Variants in HORMAD2 observed in about 807,000 individuals in gnomAD.
HORMAD2 encodes HORMA domain-containing protein 2.
In HORMAD2, 45 loss-of-function variants were observed where a neutral mutation model predicts 38.8. That is an observed-to-expected ratio of 1.16 (90% CI 0.91 to 1.49). HORMAD2 has a LOEUF of 1.49. Ranked by LOEUF, HORMAD2 falls within the 40% of genes most tolerant of loss-of-function variation. The probability of loss-of-function intolerance (pLI) is 0.00; values close to 1 mark genes in which losing one functional copy is unlikely to be tolerated. For synonymous variants in HORMAD2, 126 were observed against 122.8 expected (o/e 1.03, Z -0.17); for missense variants, 338 against 367.0 (o/e 0.92, Z 0.65).
In HORMAD2 at chr22:30,116,634, C is replaced by G. The variant is rs531748738; in HGVS notation, c.343-2346C>G. Among the ~76,000 whole-genome samples, 42 of 152,170 alleles carry G rather than the reference C, an allele frequency of 2.8e-4. 2 individuals are homozygous for G. In the South Asian group the frequency reaches 8.3e-3, roughly 30 times the overall value. ...GTTATATGAGGTGTTAAGAATAGTG[C>G]CTGCTGTAAATATACTTTCCTAGAT... On this transcript the variant is annotated intron_variant, in intron 7 of 10. Transcript: ENST00000336726.
At chr22:30,152,936 C>T (rs943150503) in intron 10 of HORMAD2, among the ~76,000 whole-genome samples, 5 of 152,134 alleles carry the variant, frequency 3.3e-5, no homozygotes, top group Non-Finnish European at 7.4e-5. Context: ...TCCCCAAGAG[C>T]TCCAGTTCTA....
At chr22:30,120,666 G>A (rs1569096867) in intron 8 of HORMAD2, among the ~76,000 whole-genome samples, 2 of 152,110 alleles carry the variant, frequency 1.3e-5, no homozygotes, top group Non-Finnish European at 2.9e-5. Context: ...GAATAGCTGG[G>A]CACCAAACTC....
chr22:30,115,782 G>C (rs1256924927), intron 7 of HORMAD2, among the ~76,000 whole-genome samples: 1 of 152,198 alleles, frequency 6.6e-6, no homozygotes. Context: ...GTACTAGAGA[G>C]TGCTGAAGTG....
chr22:30,092,765 T>C (rs2068714420), intron 1 of HORMAD2, among the ~76,000 whole-genome samples: 1 of 152,212 alleles, frequency 6.6e-6, no homozygotes. Flanking sequence ...CAATGTATGT[T>C]CTTGGTGACT....
chr22:30,129,946 G>A (rs1223071880), intron 10 of HORMAD2, among the ~76,000 whole-genome samples: 1 of 152,094 alleles, frequency 6.6e-6, no homozygotes, highest in Non-Finnish European at 1.5e-5. Context: ...AATACTGAAT[G>A]TTCCACGCCT....
In HORMAD2 at chr22:30,164,928, G is replaced by A. The variant is rs536040827; in HGVS notation, c.820-11135G>A. On this transcript the variant is annotated intron_variant, in intron 10 of 10. Coordinates refer to ENST00000336726, the MANE Select transcript of HORMAD2 (RefSeq NM_152510.4). ...TGCCTTCTTGATAATAGCATCCTTT[G>A]ATGCACAAAAGTTTTAAATTTTGAA... Among the ~76,000 whole-genome samples, 17 of 152,158 alleles carry A rather than the reference G, an allele frequency of 1.1e-4. 3 individuals are homozygous for A. Among genetic ancestry groups the A allele is most frequent in the Admixed American group, 1.1e-3 (17 of 15,270 alleles).
intron 10 of HORMAD2, among the ~76,000 whole-genome samples, chr22:30,127,328 C>T (rs112848515): frequency 0.062 from 9,320 of 151,314 alleles, 376 homozygotes; most frequent in Middle Eastern, 0.1. Context: ...CCTGCCTCAG[C>T]CTCCTGAGTA....
At chr22:30,198,289 C>T in the HORMAD2 span, among the ~76,000 whole-genome samples, 7 of 152,180 alleles carry the variant, frequency 4.6e-5, no homozygotes, top group East Asian at 1.9e-4. Flanking sequence ...TATGTGTATA[C>T]GCATGTAAGT....
chr22:30,158,603 C>CTCCCTCCG (rs1569115350), intron 10 of HORMAD2, among the ~76,000 whole-genome samples: 3 of 39,850 alleles, frequency 7.5e-5, no homozygotes, highest in African/African-American at 3.2e-4. Context: ...CCTTCCCTCC[C>CTCCCTCCG]TCCCTCCGTC....
At chr22:30,151,060 T>A (rs1924717859) in intron 10 of HORMAD2, among the ~76,000 whole-genome samples, 1 of 152,204 alleles carries the variant, frequency 6.6e-6, no homozygotes, top group Non-Finnish European at 1.5e-5. Flanking sequence ...TCCAAAAGTA[T>A]CTGATGCTGG....
At chr22:30,111,766 A>G in intron 5 of HORMAD2, 30 bp from the exon 6 acceptor site, 3 of 1,496,098 alleles carry the variant, frequency 2.0e-6, no homozygotes, top group Non-Finnish European at 2.7e-6. Flanking sequence ...AGTATGTAAT[A>G]ATAATAGTTT....
At chr22:30,090,715 T>C (rs898827009) in intron 1 of HORMAD2, among the ~76,000 whole-genome samples, 55 of 152,254 alleles carry the variant, frequency 3.6e-4, no homozygotes, top group Admixed American at 3.6e-3. Flanking sequence ...TTTTCCATTT[T>C]TGAATAATCA....
At chr22:30,126,285 C>T (rs1481737695) in intron 10 of HORMAD2, among the ~76,000 whole-genome samples, 1 of 152,086 alleles carries the variant, frequency 6.6e-6, no homozygotes, top group Non-Finnish European at 1.5e-5. Flanking sequence ...TCTCCTGTCT[C>T]AGCCTCTCAA....
At chr22:30,120,425 A>G (rs1384933599) in intron 8 of HORMAD2, among the ~76,000 whole-genome samples, 2 of 152,236 alleles carry the variant, frequency 1.3e-5, no homozygotes, top group Non-Finnish European at 2.9e-5. Flanking sequence ...TCCAAAGATC[A>G]GTTAGGGAAA....
chr22:30,127,196 GTTCTTTTTTTTTTTTTTTT>G (rs1277400005), intron 10 of HORMAD2, among the ~76,000 whole-genome samples: 7 of 99,414 alleles, frequency 7.0e-5, no homozygotes, highest in African/African-American at 2.8e-4. Flanking sequence ...ATAAACAGAA[GTTCTTTTTTTTTTTTTTTT>G]TTTTTTTTTT....
chr22:30,112,640 T>G (rs898548845), intron 7 of HORMAD2, 118 bp downstream of exon 7: 27 of 449,864 alleles, frequency 6.0e-5, no homozygotes, highest in Admixed American at 2.6e-4. Context: ...GAGGAACTAA[T>G]AGTGGGCTCT....
chr22:30,103,462 A>G lies in HORMAD2; in HGVS notation c.219A>G (p.Glu73=). 1 of 1,542,374 alleles carries G rather than the reference A, an allele frequency of 6.5e-7. No individual in the cohort carries two copies. Among genetic ancestry groups the G allele is most frequent in the Non-Finnish European group, 8.8e-7 (1 of 1,136,628 alleles). Residue 73 remains glutamate (E), a synonymous_variant, in exon 4 of 11, where the codon GAA becomes GAG. Coordinates refer to ENST00000336726, the MANE Select transcript of HORMAD2 (RefSeq NM_152510.4). ...ACCTCAGTTTAAAAATCCTCCGAGA[A>G]GATAAAAAATGTCCCGGGTCACTGC... ...LDDLSLKILR[E]DKKCPGSLHI...
chr22:30,111,767 A>G, intron 5 of HORMAD2, 29 bp from the exon 6 acceptor site: 1 of 1,498,498 alleles, frequency 6.7e-7, no homozygotes, highest in South Asian at 1.2e-5. Flanking sequence ...GTATGTAATA[A>G]TAATAGTTTT....
the HORMAD2 span, among the ~76,000 whole-genome samples, chr22:30,204,303 G>A: frequency 5.9e-5 from 9 of 152,204 alleles, no homozygotes; most frequent in East Asian, 1.5e-3. Context: ...TTGGATCAGT[G>A]TGGTCCTCAC....
Sources: allele counts gnomAD v4.1 joint callset (sites outside exome capture counted in the v4.1 genomes callset), GRCh38; gene constraint gnomAD v4.1.1; transcripts MANE v1.5; gene names NCBI Gene and HGNC (gene_info 2026-07-23, HGNC 2026-07-21).